Variants in SMARCAL1 observed in about 807,000 individuals in gnomAD.
SMARCAL1 encodes SNF2 related chromatin remodeling annealing helicase 1.
In SMARCAL1, 58 loss-of-function variants were observed where a neutral mutation model predicts 94.5. The ratio of observed to expected loss-of-function variants is 0.61; its 90% CI spans 0.50 to 0.76. SMARCAL1 has a LOEUF of 0.76. Among genes scored for constraint, SMARCAL1 ranks in the 30% least tolerant of loss-of-function variants. SMARCAL1 has a pLI of 0.00. For synonymous variants in SMARCAL1, 422 were observed against 455.1 expected (o/e 0.93, Z 0.93); for missense variants, 1,051 against 1,177.9 (o/e 0.89, Z 1.58).
At position 216,428,701 on chromosome 2, in the gene SMARCAL1, C is replaced by T. The variant is rs1693895313; in HGVS notation, c.1253C>T (p.Pro418Leu). 6.2e-7 allele frequency: 1 copy of T among 1,614,058 alleles called. No homozygotes were observed. The highest frequency in any genetic ancestry group is 1.1e-5 in the South Asian group (1 of 91,086). ...QLKKTSLSLT[P>L]DVPEADLSEV... Reference sequence around the variant, plus strand: ...AAGAAGACATCTCTCAGTCTCACGCCAGATGTCCCAGAGGCAGACCTTTCT... The same window carrying T: ...AAGAAGACATCTCTCAGTCTCACGCTAGATGTCCCAGAGGCAGACCTTTCT... The change falls in exon 7 of 18, where the codon CCA becomes CTA. Residue 418 changes from proline to leucine, a missense_variant. Pro to Leu is a moderately conservative substitution (Grantham distance 98, BLOSUM62 -3). Transcript: ENST00000357276.
chr2:216,451,798 T>C (rs1321532226), intron 12 of SMARCAL1, among the ~76,000 whole-genome samples: 1 of 152,246 alleles, frequency 6.6e-6, no homozygotes, highest in Admixed American at 6.5e-5. Flanking sequence ...ACACCAGCTC[T>C]GTTTCTGTCC....
intron 7 of SMARCAL1, among the ~76,000 whole-genome samples, chr2:216,429,671 C>A (rs1198832486): frequency 6.6e-6 from 1 of 151,980 alleles, no homozygotes; most frequent in Non-Finnish European, 1.5e-5. Flanking sequence ...CACTGACAAA[C>A]CACAACAGCC....
In SMARCAL1 at chr2:216,478,376, G is replaced by A. The variant is rs1308929952; in HGVS notation, c.2625+77G>A. The A allele has an allele frequency of 7.2e-6, 8 of 1,110,734 alleles. No homozygotes were observed. The Admixed American group carries it at 1.2e-4, about 16-fold the overall frequency. 68.8% of individuals were successfully genotyped at this position (1,110,734 alleles called of 1,614,324 possible). On this transcript the variant is annotated intron_variant, in intron 17 of 17. Transcript: ENST00000357276. ...TGTCTGCCAAGTCTTTGGGTCCTGAGTAGGAGGATGTGAATCACTCCTAGG... is the reference window on the plus strand; with the variant it reads ...TGTCTGCCAAGTCTTTGGGTCCTGAATAGGAGGATGTGAATCACTCCTAGG...
At chr2:216,472,062 A>G (rs1574481943) in intron 14 of SMARCAL1, among the ~76,000 whole-genome samples, 1 of 152,272 alleles carries the variant, frequency 6.6e-6, no homozygotes, top group African/African-American at 2.4e-5. Flanking sequence ...ATTTTTAAAA[A>G]TTGTCATGTT....
In SMARCAL1 at chr2:216,477,123, T is replaced by C; in HGVS notation, c.2442T>C (p.Ala814=). 1 of 1,581,754 alleles carries C rather than the reference T, an allele frequency of 6.3e-7. No homozygotes were observed. Among genetic ancestry groups the C allele is most frequent in the Non-Finnish European group, 8.6e-7 (1 of 1,163,746 alleles). ...TGGACACACAGGTGCTGATCCAGGC[T>C]GAGGACCGCGTGCACCGCATTGGAC... ...LFWNPGVLIQ[A]EDRVHRIGQT... Residue 814 remains alanine (A), a synonymous_variant, in exon 16 of 18, where the codon GCT becomes GCC. Transcript: ENST00000357276.
chr2:216,448,627 A>C (rs988317107), intron 11 of SMARCAL1, among the ~76,000 whole-genome samples: 3 of 152,180 alleles, frequency 2.0e-5, no homozygotes, highest in Admixed American at 6.5e-5. Context: ...GATATGTGGT[A>C]ATTTTTCAAT....
intron 12 of SMARCAL1, among the ~76,000 whole-genome samples, chr2:216,455,123 C>T (rs899406466): frequency 2.0e-5 from 3 of 152,190 alleles, no homozygotes; most frequent in Non-Finnish European, 2.9e-5. Flanking sequence ...AGTCTGAGAT[C>T]GAACTGCAAG....
At chr2:216,422,085 C>G (rs1693734830) in intron 5 of SMARCAL1, among the ~76,000 whole-genome samples, 2 of 152,060 alleles carry the variant, frequency 1.3e-5, no homozygotes, top group African/African-American at 4.8e-5. Context: ...CTTGGGGTGG[C>G]CCTTAAAAGG....
chr2:216,473,975 T>C (rs1695016726), intron 14 of SMARCAL1, among the ~76,000 whole-genome samples: 1 of 152,094 alleles, frequency 6.6e-6, no homozygotes, highest in Admixed American at 6.5e-5. Flanking sequence ...GAAACTATGG[T>C]ATATCCATAC....
intron 1 of SMARCAL1, 106 bp from the exon 2 acceptor site, chr2:216,413,742 CTTGCACTG>C (rs1693519402): frequency 6.6e-6 from 1 of 152,150 alleles, no homozygotes; most frequent in Non-Finnish European, 1.5e-5. Context: ...GCTGCTCTGG[CTTGCACTG>C]AGCCACAGGC....
chr2:216,472,542 G>A (rs768325206), intron 14 of SMARCAL1, among the ~76,000 whole-genome samples: 3 of 151,616 alleles, frequency 2.0e-5, no homozygotes, highest in Non-Finnish European at 4.4e-5. Flanking sequence ...AAAAATAAAG[G>A]AGAATTTAGA....
At position 216,450,849 on chromosome 2, in the gene SMARCAL1, C is replaced by G. The variant is rs778421852; in HGVS notation, c.1855C>G (p.Pro619Ala). 7 of 1,613,282 alleles carry G rather than the reference C, an allele frequency of 4.3e-6. No homozygotes were observed. Among genetic ancestry groups the G allele is most frequent in the Non-Finnish European group, 5.9e-6 (7 of 1,179,526 alleles). The change falls in exon 12 of 18, where the codon CCT becomes GCT. Residue 619 changes from proline to alanine, a missense_variant. This residue lies in a region of SMARCAL1 where 642 missense variants were observed against 754.7 expected (regional missense o/e 0.85). Transcript: ENST00000357276. ...GTCGCTGTCTTGTTCTCTGCAGATG[C>G]CTTGGGGGTGGGACTACTCAGGTTC... is the stretch of plus-strand genomic sequence containing the variant. ...GLRYCDAKRM[P>A]WGWDYSGSSN... is the part of the protein sequence containing the mutation.
chr2:216,414,954 C>T lies in SMARCAL1; in HGVS notation c.250C>T (p.Gln84Ter). The T allele has an allele frequency of 6.2e-7, 1 of 1,614,156 alleles. No individual in the cohort carries two copies. The highest frequency in any genetic ancestry group is 8.5e-7 in the Non-Finnish European group (1 of 1,180,050). ...TCTCAGTAGCTCATCTAATGCTGAC[C>T]AAAGACCTCATGATTCCCACAGTTT... ...QNLSSSSNADQRPHDSHSFQA... is the reference protein window; with the variant it reads ...QNLSSSSNAD The change falls in exon 3 of 18, where the codon CAA (glutamine) becomes TAA (stop). Residue 84 changes from glutamine (Q) to a stop codon, truncating the protein, a stop_gained. Transcript: ENST00000357276. LOFTEE classifies it high-confidence loss of function.
In SMARCAL1 at chr2:216,437,638, C is replaced by T. The variant is rs113471574; in HGVS notation, c.1645-782C>T. Among the ~76,000 whole-genome samples, 474 of 152,264 alleles carry T rather than the reference C, an allele frequency of 3.1e-3. 1 individual carries two copies. Among genetic ancestry groups the T allele is most frequent in the African/African-American group, 0.011 (463 of 41,538 alleles). On this transcript the variant is annotated intron_variant, in intron 9 of 17. Coordinates refer to ENST00000357276, the MANE Select transcript of SMARCAL1 (RefSeq NM_014140.4). ...TTACAGAGAGGTGGTTGCTCAGAGT[C>T]ACACAGCAAGGAATTTGACTCTGTA... is the stretch of plus-strand genomic sequence containing the variant.
intron 10 of SMARCAL1, among the ~76,000 whole-genome samples, chr2:216,441,175 A>T (rs1311259048): frequency 6.6e-6 from 1 of 152,224 alleles, no homozygotes; most frequent in Non-Finnish European, 1.5e-5. Flanking sequence ...AGGTATTTAG[A>T]TTAAATCATA....
chr2:216,459,126 G>T (rs150627451), intron 12 of SMARCAL1, among the ~76,000 whole-genome samples: 14,679 of 152,102 alleles, frequency 0.097, 880 homozygotes, highest in South Asian at 0.19. Flanking sequence ...CAACTTACAA[G>T]GGATGTGAAG....
At chr2:216,480,398 C>T (rs1336886079) in intron 17 of SMARCAL1, among the ~76,000 whole-genome samples, 1 of 152,152 alleles carries the variant, frequency 6.6e-6, no homozygotes, top group Non-Finnish European at 1.5e-5. Flanking sequence ...ATTATGCATG[C>T]CCCGAGTCAG....
intron 12 of SMARCAL1, among the ~76,000 whole-genome samples, chr2:216,458,787 C>G (rs534445622): frequency 6.6e-6 from 1 of 152,162 alleles, no homozygotes; most frequent in Non-Finnish European, 1.5e-5. Flanking sequence ...CAGGGATGCC[C>G]TCTCTCACCA....
intron 4 of SMARCAL1, among the ~76,000 whole-genome samples, chr2:216,418,222 A>G (rs776559171): frequency 7.2e-5 from 11 of 152,158 alleles, no homozygotes; most frequent in Non-Finnish European, 1.5e-4. Flanking sequence ...CCCGACTATC[A>G]TTGCTTTGTG....
Sources: allele counts gnomAD v4.1 joint callset (sites outside exome capture counted in the v4.1 genomes callset), GRCh38; gene constraint gnomAD v4.1.1; regional missense constraint gnomAD v4.1.1; transcripts MANE v1.5; gene names NCBI Gene and HGNC (gene_info 2026-07-23, HGNC 2026-07-21).